The following ZNF624 variants were observed in gnomAD, a reference collection of about 807,000 sequenced individuals.
ZNF624 encodes the protein zinc finger protein 624.
Under a neutral mutation model 74.7 loss-of-function variants are expected in ZNF624, and 43 were observed. The ratio of observed to expected loss-of-function variants is 0.58; its 90% CI spans 0.45 to 0.74. The LOEUF (loss-of-function observed/expected upper bound fraction) is 0.74, where lower values mean the gene tolerates loss of function less well. Ranked by LOEUF, ZNF624 falls within the 30% of genes least tolerant of loss-of-function variation. ZNF624 has a pLI of 0.00. For synonymous variants in ZNF624, 331 were observed against 341.3 expected, an observed-to-expected ratio of 0.97 and a Z score of 0.33; for missense variants, 820 against 1,030.0, an observed-to-expected ratio of 0.80 and a Z score of 2.79.
intron 1 of ZNF624, among the ~76,000 whole-genome samples, chr17:16,651,253 CCT>C (rs1201808973): frequency 6.6e-6 from 1 of 151,700 alleles, no homozygotes; most frequent in Non-Finnish European, 1.5e-5. Flanking sequence ...ACGGTGAAAC[CCT>C]GACTCTACTA....
chr17:16,644,502 A>G (rs149590815), intron 3 of ZNF624, among the ~76,000 whole-genome samples: 7 of 152,364 alleles, frequency 4.6e-5, no homozygotes, highest in African/African-American at 1.2e-4. Context: ...AACCTAATAT[A>G]TAATACCCAA....
intron 3 of ZNF624, among the ~76,000 whole-genome samples, chr17:16,637,994 C>T (rs1349642313): frequency 2.0e-5 from 3 of 152,092 alleles, no homozygotes; most frequent in Non-Finnish European, 4.4e-5. Flanking sequence ...TATCCAGAAT[C>T]TACAATGAAC....
Position 16,623,294 on chromosome 17 carries a change from T to C in ZNF624, c.1592A>G (p.Asn531Ser), listed in dbSNP as rs756603536. The C allele has an allele frequency of 1.2e-6, 2 of 1,613,974 alleles. No homozygotes were observed. Among genetic ancestry groups the C allele is most frequent in the Non-Finnish European group, 1.7e-6 (2 of 1,179,870 alleles). ...IHTGEKPYKC[N>S]ECGKAFINYS... is the part of the protein sequence containing the mutation. ...ATTAATGAATGCTTTCCCACATTCATTACATTTATAGGGTTTTTCTCCTGT... is the reference window on the plus strand; with the variant it reads ...ATTAATGAATGCTTTCCCACATTCACTACATTTATAGGGTTTTTCTCCTGT... The change falls in exon 6 of 6, where the codon AAT (asparagine) becomes AGT (serine). Residue 531 changes from asparagine to serine, a missense_variant. Transcript: ENST00000311331. The surrounding 1 kb of genome is among the most constrained non-coding windows in gnomAD (Gnocchi z 5.3).
chr17:16,647,430 G>A (rs1909619730), intron 2 of ZNF624, 36 bp from the exon 3 acceptor site: 3 of 1,588,790 alleles, frequency 1.9e-6, no homozygotes, highest in African/African-American at 1.3e-5. Flanking sequence ...TCAGTGATAG[G>A]CTGCCTATGA....
Position 16,624,415 on chromosome 17 carries a change from C to G in ZNF624, c.471G>C (p.Glu157Asp). The change falls in exon 6 of 6, where the codon GAG becomes GAC. Residue 157 changes from glutamate to aspartate, a missense_variant. Coordinates refer to ENST00000311331, the MANE Select transcript of ZNF624 (RefSeq NM_020787.4). ...CCATTCTGGAATCCCACAGACCATT[C>G]TCTGTAAGTTTCTCTAGTATGGCCT... is the stretch of plus-strand genomic sequence containing the variant. ...SQEAILEKLTENGLWDSRMEG... is the reference protein window; with the variant it reads ...SQEAILEKLTDNGLWDSRMEG... 6.2e-7 allele frequency: 1 copy of G among 1,613,482 alleles called. No individual in the cohort carries two copies. Among genetic ancestry groups the G allele is most frequent in the South Asian group, 1.1e-5 (1 of 90,896 alleles).
intron 3 of ZNF624, among the ~76,000 whole-genome samples, chr17:16,642,250 A>T (rs2142635028): frequency 6.6e-6 from 1 of 152,300 alleles, no homozygotes; most frequent in Non-Finnish European, 1.5e-5. Context: ...TTCAAAACGT[A>T]CTTCAAAGGT....
rs549371934 is a variant in ZNF624 at position 16,630,208 on chromosome 17, C to A, written c.376+3654G>T. 1.4e-3 allele frequency among the ~76,000 whole-genome samples: 213 copies of A among 152,106 alleles called. 1 individual carries two copies. The highest frequency in any genetic ancestry group is 5.0e-3 in the African/African-American group (209 of 41,506). On this transcript the variant is annotated intron_variant, in intron 5 of 5. Coordinates refer to ENST00000311331, the MANE Select transcript of ZNF624 (RefSeq NM_020787.4). ...ATAACTGCCAATCTAAAATTTCAAACTTACCAAAAATATCCTCCCAAAATG... is the reference window on the plus strand; with the variant it reads ...ATAACTGCCAATCTAAAATTTCAAAATTACCAAAAATATCCTCCCAAAATG...
intron 5 of ZNF624, among the ~76,000 whole-genome samples, chr17:16,625,392 G>T (rs1023323905): frequency 4.6e-5 from 7 of 152,168 alleles, no homozygotes; most frequent in African/African-American, 1.7e-4. Flanking sequence ...ATGTTGGCCA[G>T]GCTGGTCTTG....
At chr17:16,616,786 G>A, downstream of ZNF624, 1 of 846,904 alleles carries the variant, frequency 1.2e-6, no homozygotes, top group South Asian at 2.1e-5. Flanking sequence ...AAACATGGAA[G>A]AGTAACTGCC....
At chr17:16,650,667 G>C (rs1035680722) in intron 1 of ZNF624, among the ~76,000 whole-genome samples, 16 of 152,222 alleles carry the variant, frequency 1.1e-4, no homozygotes, top group African/African-American at 3.6e-4. Context: ...ATATCAAACA[G>C]TACAGATTGT....
chr17:16,615,129 G>C, the ZNF624 span, among the ~76,000 whole-genome samples: 22 of 152,058 alleles, frequency 1.4e-4, no homozygotes, highest in Non-Finnish European at 2.5e-4. Context: ...ATGGAGTTTC[G>C]CTCTGTCGCC....
chr17:16,631,024 G>A (rs979314665), intron 5 of ZNF624, among the ~76,000 whole-genome samples: 7 of 151,862 alleles, frequency 4.6e-5, no homozygotes, highest in African/African-American at 1.7e-4. Flanking sequence ...ATTTTTTCAA[G>A]AGCACAAAAT....
chr17:16,649,589 A>G (rs1909670157), intron 2 of ZNF624, 69 bp downstream of exon 2: 4 of 1,419,374 alleles, frequency 2.8e-6, no homozygotes, highest in Admixed American at 1.7e-5. Flanking sequence ...AGAAGTCGCA[A>G]GCCTTCAGGC....
chr17:16,625,936 G>C (rs1024030849), intron 5 of ZNF624, among the ~76,000 whole-genome samples: 5 of 151,112 alleles, frequency 3.3e-5, no homozygotes, highest in Non-Finnish European at 5.9e-5. Flanking sequence ...ATGATAGAAT[G>C]GTTTTATGAT....
chr17:16,634,596 A>G, intron 4 of ZNF624, 34 bp downstream of exon 4: 2 of 1,595,484 alleles, frequency 1.3e-6, no homozygotes, highest in East Asian at 2.2e-5. Flanking sequence ...TCAAATGGGC[A>G]GATCAATCAA....
chr17:16,622,259 T>C lies in ZNF624; in HGVS notation c.*29A>G. On this transcript the variant is annotated 3_prime_UTR_variant, in exon 6 of 6. Coordinates refer to ENST00000311331, the MANE Select transcript of ZNF624 (RefSeq NM_020787.4). ...GTTTATAAGATTCATCTTGTGGAGT[T>C]GACATCTAGGTGAATGACTTATTGT... The C allele has an allele frequency of 6.8e-7, 1 of 1,469,126 alleles. No homozygotes were observed. Among genetic ancestry groups the C allele is most frequent in the South Asian group, 1.5e-5 (1 of 68,246 alleles). 91.0% of individuals were successfully genotyped at this position (1,469,126 alleles called of 1,614,324 possible). A position where few individuals can be genotyped will look rare whatever the true frequency, so the allele number is the denominator to read the frequency against.
chr17:16,622,606 G>T lies in ZNF624; in HGVS notation c.2280C>A (p.Ala760=), dbSNP rs769365133. ...KPYKCDVCGK[A]FRRGSYLTVH... is the part of the protein sequence containing the mutation. ...CTGTAAGGTAAGAACCCCTCCTGAA[G>T]GCTTTTCCACAGACATCACACTTAT... The change falls in exon 6 of 6, where the codon GCC becomes GCA. Residue 760 remains alanine, a synonymous_variant. Transcript: ENST00000311331. The T allele has an allele frequency of 6.2e-7, 1 of 1,613,972 alleles. No individual in the cohort carries two copies. The highest frequency in any genetic ancestry group is 8.5e-7 in the Non-Finnish European group (1 of 1,179,938).
At chr17:16,642,045 G>T (rs1278431968) in intron 3 of ZNF624, among the ~76,000 whole-genome samples, 1 of 152,122 alleles carries the variant, frequency 6.6e-6, no homozygotes, top group East Asian at 1.9e-4. Flanking sequence ...GTTCAAGTAT[G>T]GAAGACTTAA....
downstream of ZNF624, chr17:16,617,894 C>T (rs931340813): frequency 1.2e-5 from 19 of 1,551,632 alleles, no homozygotes; most frequent in African/African-American, 2.7e-5. Context: ...CCGTGGCGGG[C>T]GGGGGCCCAA....
Sources: gnomAD v4.1 joint callset for allele counts (sites outside exome capture counted in the v4.1 genomes callset) on GRCh38, gnomAD v4.1.1 for gene constraint, Gnocchi (gnomAD v3.1) non-coding constraint, MANE v1.5 for transcripts, NCBI Gene and HGNC (gene_info 2026-07-23, HGNC 2026-07-21) for gene names.